The following UNKL variants were observed in gnomAD, a reference collection of about 807,000 sequenced individuals.
UNKL encodes the protein putative E3 ubiquitin-protein ligase UNKL.
A neutral mutation model predicts 78.0 loss-of-function variants in UNKL; 60 were observed. That is an observed-to-expected ratio of 0.77 (90% CI 0.63 to 0.95). The LOEUF (loss-of-function observed/expected upper bound fraction) is 0.95, where lower values mean the gene tolerates loss of function less well. Ranked by LOEUF, UNKL falls within the 40% of genes least tolerant of loss-of-function variation. The pLI, the probability that UNKL is intolerant of heterozygous loss-of-function variation, is 0.00. For synonymous variants in UNKL, 608 were observed against 474.8 expected (o/e 1.28, Z -3.65); for missense variants, 1,159 against 1,045.7 (o/e 1.11, Z -1.49).
intron 10 of UNKL, among the ~76,000 whole-genome samples, chr16:1,383,260 GAA>G: frequency 8.2e-6 from 1 of 121,772 alleles, no homozygotes. Context: ...CAACAAGAGA[GAA>G]ACTCCGTCTC....
chr16:1,367,568 C>CTCCT (rs1381570543), intron 13 of UNKL, 88 bp downstream of exon 13: 2 of 692,550 alleles, frequency 2.9e-6, no homozygotes, highest in Non-Finnish European at 4.5e-6. Context: ...CCCTCCCTCC[C>CTCCT]TCCCCTCCCA....
chr16:1,388,024 G>A (rs916046000), intron 9 of UNKL, among the ~76,000 whole-genome samples: 1 of 152,144 alleles, frequency 6.6e-6, no homozygotes, highest in Non-Finnish European at 1.5e-5. Context: ...CTCAGTCCTT[G>A]CCTGAACCCA....
chr16:1,368,002 T>A, intron 12 of UNKL, 144 bp from the exon 13 acceptor site: 1 of 694,612 alleles, frequency 1.4e-6, no homozygotes, highest in Non-Finnish European at 2.4e-6. Context: ...CAGCCACGCC[T>A]GCCCCTTGCC....
At position 1,370,310 on chromosome 16, in the gene UNKL, G is replaced by A. The variant is rs1401579181; in HGVS notation, c.1405C>T (p.Leu469=). ...GSAPVAIPGS[L]PRAPSLHSPS... ...GAGTGTAGCGATGGTGCTCTGGGCAGGGAGCCGGGGATGGCGACAGGTGCA... is the reference window on the plus strand; with the variant it reads ...GAGTGTAGCGATGGTGCTCTGGGCAAGGAGCCGGGGATGGCGACAGGTGCA... Residue 469 remains leucine, a synonymous_variant, in exon 12 of 15, where the codon CTG becomes TTG. Transcript: ENST00000389221. The A allele has an allele frequency of 1.5e-5, 23 of 1,533,618 alleles. No homozygotes were observed. Among genetic ancestry groups the A allele is most frequent in the East Asian group, 4.9e-5 (2 of 40,878 alleles).
chr16:1,369,664 C>G lies in UNKL; in HGVS notation c.1585+466G>C, dbSNP rs546129975. The stretch of plus-strand genomic sequence containing the variant: ...GATTACAGGTGTGAGCCACTGCACC[C>G]GACCAAGTGTTAGTTCTTTTACAAC... On this transcript the variant is annotated intron_variant, in intron 12 of 14. Coordinates refer to ENST00000389221, the MANE Select transcript of UNKL (RefSeq NM_001372107.1). Among the ~76,000 whole-genome samples the G allele has an allele frequency of 2.0e-5, 3 of 152,216 alleles. No individual in the cohort carries two copies. The South Asian group carries it at 6.2e-4, about 31-fold the overall frequency.
At chr16:1,412,827 G>C (rs1350758549) in intron 2 of UNKL, among the ~76,000 whole-genome samples, 4 of 152,202 alleles carry the variant, frequency 2.6e-5, no homozygotes, top group Non-Finnish European at 4.4e-5. Context: ...GGAGGCCAAG[G>C]AGGGAGGATC....
At position 1,366,201 on chromosome 16, in the gene UNKL, G is replaced by A. The variant is rs73487809; in HGVS notation, c.*39C>T. The A allele has an allele frequency of 1.2e-3, 1,828 of 1,471,500 alleles. 17 individuals carry two copies. In the African/African-American group the frequency reaches 0.024, roughly 19 times the overall value. The allele number at this position is 1,471,500 out of a possible 1,614,324, so 91.2% of individuals were successfully genotyped here. On this transcript the variant is annotated 3_prime_UTR_variant, in exon 15 of 15. Coordinates refer to ENST00000389221, the MANE Select transcript of UNKL (RefSeq NM_001372107.1). ...GTCCGTGGTCAGGAGGAGCGCTGGA[G>A]CCAGGGTGCCCAGCAGGAGGTGGCT...
chr16:1,375,800 C>T (rs2036171925), intron 10 of UNKL, among the ~76,000 whole-genome samples: 1 of 152,194 alleles, frequency 6.6e-6, no homozygotes, highest in Non-Finnish European at 1.5e-5. Flanking sequence ...GAGCCATTCA[C>T]TCCTCTCCTT....
At chr16:1,398,292 C>T (rs962929252) in intron 5 of UNKL, 6 of 998,526 alleles carry the variant, frequency 6.0e-6, no homozygotes, top group South Asian at 8.5e-5. Context: ...AAAACAAAAT[C>T]CTCTACTCTT....
rs1415395434 is a variant in UNKL, at chr16:1,413,894, T to C, written c.239A>G (p.Tyr80Cys). The change falls in exon 2 of 15, where the codon TAC becomes TGC. Residue 80 changes from tyrosine to cysteine, a missense_variant. Transcript: ENST00000389221. ...GGTGGCTTCGTTGTACTTGGAGCAG[T>C]ACACGTCGGGGCTGTAGTTGAAGGT... ...DGTFNYSPDV[Y>C]CSKYNEATGV... 1 of 1,558,520 alleles carries C rather than the reference T, an allele frequency of 6.4e-7. No individual in the cohort carries two copies.
chr16:1,392,676 C>G (rs1247202936), intron 8 of UNKL, among the ~76,000 whole-genome samples: 1 of 152,176 alleles, frequency 6.6e-6, no homozygotes, highest in Non-Finnish European at 1.5e-5. Flanking sequence ...CTCAGGTGAT[C>G]CACCCGCCTC....
Position 1,366,338 on chromosome 16 carries a change from C to T in UNKL, c.2104G>A (p.Ala702Thr), listed in dbSNP as rs758060063. The change falls in exon 15 of 15, where the codon GCT (alanine) becomes ACT (threonine). Residue 702 changes from alanine (A) to threonine (T), a missense_variant. Coordinates refer to ENST00000389221, the MANE Select transcript of UNKL (RefSeq NM_001372107.1). The part of the protein sequence containing the change: ...CVACRERAHG[A>T]VLRPCQHHIL... ...TGGTGCTGACAGGGCCGCAGGACAG[C>T]ACCGTGGGCCCGCTCCCGGCAGGCC... The T allele has an allele frequency of 2.5e-6, 4 of 1,604,094 alleles. No individual in the cohort carries two copies. In the South Asian group the frequency reaches 4.5e-5, roughly 18 times the overall value.
intron 10 of UNKL, among the ~76,000 whole-genome samples, chr16:1,376,357 G>A (rs1266373038): frequency 6.9e-6 from 1 of 144,854 alleles, no homozygotes; most frequent in Non-Finnish European, 1.5e-5. Flanking sequence ...CTAGGGCTGG[G>A]GTGCTCCTCT....
rs564507413 is a variant in UNKL, at chr16:1,410,599, G to A, written c.287+3247C>T. Among the ~76,000 whole-genome samples the A allele has an allele frequency of 6.6e-5, 10 of 152,264 alleles. No homozygotes were observed. The South Asian group carries it at 1.0e-3, about 16-fold the overall frequency. ...TCCAGCCTGGGTGACATAGAGTGCT[G>A]CCAATCAGTGCCCTGTATTCAACAC... On this transcript the variant is annotated intron_variant, in intron 2 of 14. Coordinates refer to ENST00000389221, the MANE Select transcript of UNKL (RefSeq NM_001372107.1).
At chr16:1,398,792 A>T (rs2037387578) in intron 5 of UNKL, 1 of 1,541,266 alleles carries the variant, frequency 6.5e-7, no homozygotes, top group African/African-American at 1.4e-5. Flanking sequence ...AGAGGCAAGC[A>T]GGCTGCGAGG....
In UNKL at chr16:1,387,262, C is replaced by T. The variant is rs558901044; in HGVS notation, c.1087-1877G>A. On this transcript the variant is annotated intron_variant, in intron 9 of 14. Coordinates refer to ENST00000389221, the MANE Select transcript of UNKL (RefSeq NM_001372107.1). The surrounding 1 kb of genome is among the most constrained non-coding windows in gnomAD (Gnocchi z 4.1). ...GCCATGCATGGTGCTGCCAATACCC[C>T]CTATCAATCCCCCATGGTGAGCCTG... Among the ~76,000 whole-genome samples, 1 of 152,332 alleles carries T rather than the reference C, an allele frequency of 6.6e-6. No individual in the cohort carries two copies. Among genetic ancestry groups the T allele is most frequent in the East Asian group, 1.9e-4 (1 of 5,184 alleles).
chr16:1,368,531 A>G lies in UNKL; in HGVS notation c.1586-673T>C, dbSNP rs532685310. ...GCAGGAGAATGGCGTGAACCCGGGA[A>G]GCGGAGCTTGCAGTGAGCCGAGATT... is the stretch of plus-strand genomic sequence containing the variant. On this transcript the variant is annotated intron_variant, in intron 12 of 14. Transcript: ENST00000389221. Among the ~76,000 whole-genome samples the G allele has an allele frequency of 3.2e-4, 43 of 132,326 alleles. No individual in the cohort carries two copies. In the South Asian group the frequency reaches 9.7e-3, roughly 30 times the overall value. 86.8% of individuals were successfully genotyped at this position (132,326 alleles called of 152,430 possible).
chr16:1,404,655 C>T (rs184984181), intron 2 of UNKL, among the ~76,000 whole-genome samples: 2 of 152,200 alleles, frequency 1.3e-5, no homozygotes, highest in African/African-American at 2.4e-5. Context: ...CAGGAGACAC[C>T]TGCACACCCA....
chr16:1,403,562 A>AC lies in UNKL; in HGVS notation c.288-219dup, dbSNP rs1216828078. Among the ~76,000 whole-genome samples, 5 of 152,138 alleles carry AC rather than the reference A, an allele frequency of 3.3e-5. No homozygotes were observed. Among genetic ancestry groups the AC allele is most frequent in the Admixed American group, 3.3e-4 (5 of 15,262 alleles). ...ACAGACCACCGCAAACCCCCAGTCA[A>AC]CCAGTCAAACACAGTAAGAAACACA... On this transcript the variant is annotated intron_variant, in intron 2 of 14. Coordinates refer to ENST00000389221, the MANE Select transcript of UNKL (RefSeq NM_001372107.1). The surrounding 1 kb of genome is among the most constrained non-coding windows in gnomAD (Gnocchi z 4.8).
Sources: gnomAD v4.1 joint callset for allele counts (sites outside exome capture counted in the v4.1 genomes callset) on GRCh38, gnomAD v4.1.1 for gene constraint, Gnocchi (gnomAD v3.1) non-coding constraint, MANE v1.5 for transcripts, NCBI Gene and HGNC (gene_info 2026-07-23, HGNC 2026-07-21) for gene names.